Variants in ACACA observed in about 807,000 individuals in gnomAD.
The protein encoded by ACACA is acetyl-CoA carboxylase 1.
In ACACA, 103 loss-of-function variants were observed where a neutral mutation model predicts 296.1. The ratio of observed to expected loss-of-function variants is 0.35; its 90% CI spans 0.30 to 0.41. The LOEUF is 0.41. ACACA is among the 10% of genes least tolerant of loss of function. The pLI is 1.00. For missense variants in ACACA, 1,554 were observed against 2,989.7 expected (o/e 0.52, Z 11.20); for synonymous variants, 953 against 1,038.6 (o/e 0.92, Z 1.58).
At chr17:37,188,210 A>G in intron 39 of ACACA, 67 bp downstream of exon 39, 1 of 1,476,774 alleles carries the variant, frequency 6.8e-7, no homozygotes, top group Non-Finnish European at 9.4e-7. Flanking sequence ...GGTCTTCTAT[A>G]ACAAGGACGA....
At position 37,088,840 on chromosome 17, in the gene ACACA, A is replaced by G. The variant is rs2142464722; in HGVS notation, c.7028+98T>C. On this transcript the variant is annotated intron_variant, in intron 55 of 55. Transcript: ENST00000616317. ...CAAACAGCAAGAGACTGCAGAGATCATAAGATTTCTGCGATCATCTCATGA... is the reference window on the plus strand; with the variant it reads ...CAAACAGCAAGAGACTGCAGAGATCGTAAGATTTCTGCGATCATCTCATGA... 8 of 1,474,992 alleles carry G rather than the reference A, an allele frequency of 5.4e-6. No individual in the cohort carries two copies. In the Admixed American group the frequency reaches 1.3e-4, roughly 25 times the overall value. The allele number at this position is 1,474,992 out of a possible 1,614,324, so 91.4% of individuals were successfully genotyped here. A position where few individuals can be genotyped will look rare whatever the true frequency, so the allele number is the denominator to read the frequency against.
chr17:37,247,143 C>A (rs1449938827), intron 18 of ACACA, among the ~76,000 whole-genome samples, 167 bp from the exon 19 acceptor site: 1 of 152,034 alleles, frequency 6.6e-6, no homozygotes, highest in East Asian at 1.9e-4. Context: ...ACATAAATTT[C>A]CTTCAATAAG....
chr17:37,130,087 A>C lies in ACACA; in HGVS notation c.5811T>G (p.Ser1937=). 3.1e-6 allele frequency: 5 copies of C among 1,614,154 alleles called. No homozygotes were observed. The highest frequency in any genetic ancestry group is 4.2e-6 in the Non-Finnish European group (5 of 1,180,006). ...EGVFTVLHWL[S]YMPKSVHSSV... ...AGGAAGGGCTCACCTTGGGCATGTA[A>C]GACAGCCAGTGCAGGACAGTGAAAA... Residue 1937 remains serine (S), a synonymous_variant, in exon 46 of 56, where the codon TCT becomes TCG. Transcript: ENST00000616317.
intron 1 of ACACA, among the ~76,000 whole-genome samples, chr17:37,381,785 A>T (rs200297007): frequency 1.3e-5 from 2 of 150,858 alleles, no homozygotes; most frequent in South Asian, 4.2e-4. Context: ...TCGCCACCAC[A>T]CCCAGTTAAT....
At position 37,134,287 on chromosome 17, in the gene ACACA, T is replaced by G. The variant is rs924744963; in HGVS notation, c.5680-4069A>C. Reference sequence around the variant, plus strand: ...CGCCTGCTCTCTCCCTTAAAGCCCTTTTTGGAGATCAAGATAAACACGTAC... The same window carrying G: ...CGCCTGCTCTCTCCCTTAAAGCCCTGTTTGGAGATCAAGATAAACACGTAC... On this transcript the variant is annotated intron_variant, in intron 45 of 55. Transcript: ENST00000616317. 3.3e-5 allele frequency among the ~76,000 whole-genome samples: 5 copies of G among 152,284 alleles called. No homozygotes were observed. In the South Asian group the frequency reaches 1.0e-3, roughly 32 times the overall value.
intron 1 of ACACA, among the ~76,000 whole-genome samples, chr17:37,353,617 C>A (rs543854589): frequency 2.8e-5 from 3 of 109,066 alleles, no homozygotes; most frequent in African/African-American, 1.1e-4. Flanking sequence ...CCAGCCTAGG[C>A]GACAGAGCAA....
Position 37,085,332 on chromosome 17 carries a change from G to T in ACACA, c.*1984C>A. ...GGAGGCATTACAGGGTTCTAGAGAGGAAACATACTCGTTTGTGTCATAATT... is the reference window on the plus strand; with the variant it reads ...GGAGGCATTACAGGGTTCTAGAGAGTAAACATACTCGTTTGTGTCATAATT... On this transcript the variant is annotated 3_prime_UTR_variant, in exon 56 of 56. Transcript: ENST00000616317. 2 of 322,422 alleles carry T rather than the reference G, an allele frequency of 6.2e-6. No homozygotes were observed. The highest frequency in any genetic ancestry group is 9.9e-5 in the Admixed American group (2 of 20,198). The allele number at this position is 322,422 out of a possible 1,614,324, so 20.0% of individuals were successfully genotyped here. A position where few individuals can be genotyped will look rare whatever the true frequency, so the allele number is the denominator to read the frequency against.
At chr17:37,348,962 A>C (rs968148578) in intron 1 of ACACA, among the ~76,000 whole-genome samples, 5 of 151,956 alleles carry the variant, frequency 3.3e-5, no homozygotes, top group Admixed American at 6.6e-5. Context: ...AAAAAAAAAA[A>C]AACACCAATG....
chr17:37,217,255 T>A (rs1251997560), intron 29 of ACACA, among the ~76,000 whole-genome samples: 2 of 82,956 alleles, frequency 2.4e-5, no homozygotes, highest in Middle Eastern at 0.012. Context: ...GAGCAAACTC[T>A]ATCTCAAAAA....
rs570253025 is a variant in ACACA, at chr17:37,268,651, C to T, written c.1119+2100G>A. On this transcript the variant is annotated intron_variant, in intron 10 of 55. Coordinates refer to ENST00000616317, the MANE Select transcript of ACACA (RefSeq NM_198834.3). ...TTTCCTTTTTCTCTTGTATGTTAGCCCCATAATTCTTCACTGTCTTGAATG... is the reference window on the plus strand; with the variant it reads ...TTTCCTTTTTCTCTTGTATGTTAGCTCCATAATTCTTCACTGTCTTGAATG... Among the ~76,000 whole-genome samples, 33 of 151,174 alleles carry T rather than the reference C, an allele frequency of 2.2e-4. No individual in the cohort carries two copies. In the South Asian group the frequency reaches 6.9e-3, roughly 32 times the overall value.
intron 3 of ACACA, among the ~76,000 whole-genome samples, chr17:37,311,147 C>T (rs2084121374): frequency 6.6e-6 from 1 of 152,060 alleles, no homozygotes; most frequent in Non-Finnish European, 1.5e-5. Context: ...GAGGACAGAA[C>T]AGAATAGCTT....
At chr17:37,294,532 C>T (rs1402808577) in intron 3 of ACACA, among the ~76,000 whole-genome samples, 3 of 152,162 alleles carry the variant, frequency 2.0e-5, no homozygotes, top group East Asian at 3.8e-4. Flanking sequence ...GATAGCAATA[C>T]AAGCTTGGGG....
chr17:37,319,592 G>C (rs925284208), intron 3 of ACACA, among the ~76,000 whole-genome samples: 1 of 152,160 alleles, frequency 6.6e-6, no homozygotes, highest in African/African-American at 2.4e-5. Flanking sequence ...ACAGGTCAAA[G>C]TGGGAGGACC....
chr17:37,309,828 G>A (rs1233355951), intron 3 of ACACA, among the ~76,000 whole-genome samples: 1 of 151,952 alleles, frequency 6.6e-6, no homozygotes, highest in African/African-American at 2.4e-5. Context: ...AAGGCGAGAG[G>A]ATCACTTGAG....
intron 1 of ACACA, among the ~76,000 whole-genome samples, chr17:37,354,099 C>A (rs886195120): frequency 2.0e-5 from 3 of 152,074 alleles, no homozygotes; most frequent in Admixed American, 6.6e-5. Flanking sequence ...CAGAGAGAGA[C>A]CCTGTCTCAA....
intron 41 of ACACA, among the ~76,000 whole-genome samples, chr17:37,167,645 A>C (rs963386515): frequency 6.6e-6 from 1 of 151,484 alleles, no homozygotes; most frequent in Non-Finnish European, 1.5e-5. Context: ...TTTACTAGAG[A>C]AATTAAGGAA....
intron 1 of ACACA, among the ~76,000 whole-genome samples, chr17:37,401,779 C>T (rs1209324135): frequency 6.6e-6 from 1 of 152,056 alleles, no homozygotes; most frequent in East Asian, 1.9e-4. Flanking sequence ...AGTTTAGTCT[C>T]GAACTCCTGA....
chr17:37,343,763 C>CAAA (rs1161272864), intron 1 of ACACA, among the ~76,000 whole-genome samples: 2 of 67,068 alleles, frequency 3.0e-5, no homozygotes, highest in Non-Finnish European at 3.2e-5. Context: ...GACTCTGTCT[C>CAAA]AAAAAAAAAA....
intron 3 of ACACA, among the ~76,000 whole-genome samples, chr17:37,317,126 T>TG (rs2047134320): frequency 6.6e-6 from 1 of 150,936 alleles, no homozygotes; most frequent in African/African-American, 2.4e-5. Flanking sequence ...TGTTGTTATA[T>TG]GGGGAAAAAA....
Sources: allele counts gnomAD v4.1 joint callset (sites outside exome capture counted in the v4.1 genomes callset), GRCh38; gene constraint gnomAD v4.1.1; transcripts MANE v1.5; gene names NCBI Gene and HGNC (gene_info 2026-07-23, HGNC 2026-07-21).